Variants in EXOC8 observed in about 807,000 individuals in gnomAD.
The protein encoded by EXOC8 is exocyst complex component 8, also known as exocyst complex 84 kDa subunit.
A neutral mutation model predicts 50.8 loss-of-function variants in EXOC8; 19 were observed. That is an observed-to-expected ratio of 0.37 (90% CI 0.26 to 0.55). The LOEUF (loss-of-function observed/expected upper bound fraction) is 0.55, where lower values mean the gene tolerates loss of function less well. Among genes scored for constraint, EXOC8 ranks in the 20% least tolerant of loss-of-function variants. The probability of loss-of-function intolerance (pLI) is 0.80; values close to 1 mark genes in which losing one functional copy is unlikely to be tolerated. For synonymous variants in EXOC8, 384 were observed against 367.9 expected (o/e 1.04, Z -0.50); for missense variants, 781 against 915.8 (o/e 0.85, Z 1.90).
In EXOC8 at chr1:231,336,859, G is replaced by T; in HGVS notation, c.887C>A (p.Ala296Glu). 2 of 1,614,058 alleles carry T rather than the reference G, an allele frequency of 1.2e-6. No homozygotes were observed. Among genetic ancestry groups the T allele is most frequent in the Non-Finnish European group, 1.7e-6 (2 of 1,180,038 alleles). Residue 296 changes from alanine (A) to glutamate (E), a missense_variant, in exon 1 of 1, where the codon GCG (alanine) becomes GAG (glutamate). Coordinates refer to ENST00000366645, the MANE Select transcript of EXOC8 (RefSeq NM_175876.5). This position sits in a 1 kb window ranked among gnomAD's most constrained non-coding sequence, Gnocchi z 5.4. The part of the protein sequence containing the change: ...EKRRREQEEA[A>E]APRGPPQVTS... ...CACTTGGGGTGGCCCTCGAGGGGCCGCTGCCTCCTCCTGCTCCCTTCGCCT... is the reference window on the plus strand; with the variant it reads ...CACTTGGGGTGGCCCTCGAGGGGCCTCTGCCTCCTCCTGCTCCCTTCGCCT...
In EXOC8 at chr1:231,335,871, C is replaced by G. The variant is rs894640596; in HGVS notation, c.1875G>C (p.Met625Ile). 3.1e-6 allele frequency: 5 copies of G among 1,614,034 alleles called. No individual in the cohort carries two copies. The highest frequency in any genetic ancestry group is 4.2e-6 in the Non-Finnish European group (5 of 1,180,046). ...GCTTCAGGGCCTCTTCCAAGAAGCC[C>G]ATGGTCTGTTTGGTGAAAGCAACCA... is the stretch of plus-strand genomic sequence containing the variant. ...YTVVAFTKQTMGFLEEALKLY... is the reference protein window; with the variant it reads ...YTVVAFTKQTIGFLEEALKLY... Residue 625 changes from methionine (M) to isoleucine (I), a missense_variant, in exon 1 of 1, where the codon ATG becomes ATC. By Grantham distance (10) the Met-to-Ile change is conservative. Coordinates refer to ENST00000366645, the MANE Select transcript of EXOC8 (RefSeq NM_175876.5).
In EXOC8 at chr1:231,334,300, G is replaced by A. The variant is rs1020356412; in HGVS notation, c.*1268C>T. 1.3e-5 allele frequency: 2 copies of A among 152,294 alleles called. No individual in the cohort carries two copies. Among genetic ancestry groups the A allele is most frequent in the South Asian group, 4.1e-4 (2 of 4,820 alleles). 9.4% of individuals were successfully genotyped at this position (152,294 alleles called of 1,614,324 possible). On this transcript the variant is annotated 3_prime_UTR_variant, in exon 1 of 1. Coordinates refer to ENST00000366645, the MANE Select transcript of EXOC8 (RefSeq NM_175876.5). ...CAAAACCAAATCTCTGCTCAGAGTG[G>A]TCATAGTGAGAACACTGAGATTTGC...
In EXOC8 at chr1:231,333,423, C is replaced by T. The variant is rs1446313712; in HGVS notation, c.*2145G>A. The stretch of plus-strand genomic sequence containing the variant: ...TTCCAGTTTTAAAAAGCAGACAATT[C>T]TATGAAGAAGCAACCATTTAAATAT... On this transcript the variant is annotated 3_prime_UTR_variant, in exon 1 of 1. Transcript: ENST00000366645. 3 of 152,496 alleles carry T rather than the reference C, an allele frequency of 2.0e-5. No homozygotes were observed. Among genetic ancestry groups the T allele is most frequent in the Non-Finnish European group, 4.4e-5 (3 of 68,040 alleles). 9.4% of individuals were successfully genotyped at this position (152,496 alleles called of 1,614,324 possible). A position where few individuals can be genotyped will look rare whatever the true frequency, so the allele number is the denominator to read the frequency against.
At position 231,335,893 on chromosome 1, in the gene EXOC8, A is replaced by G. The variant is rs1347945495; in HGVS notation, c.1853T>C (p.Val618Ala). Residue 618 changes from valine to alanine, a missense_variant, in exon 1 of 1, where the codon GTT becomes GCT. By Grantham distance (64) the Val-to-Ala change is moderately conservative. This residue lies in a region of EXOC8 where 700 missense variants were observed against 804.1 expected (regional missense o/e 0.87). Transcript: ENST00000366645. Reference protein sequence around the residue: ...DCWVNLSYTVVAFTKQTMGFL... With the variant: ...DCWVNLSYTVAAFTKQTMGFL... ...GCCCATGGTCTGTTTGGTGAAAGCA[A>G]CCACTGTGTAACTTAGGTTCACCCA... The G allele has an allele frequency of 6.2e-7, 1 of 1,614,178 alleles. No individual in the cohort carries two copies. The highest frequency in any genetic ancestry group is 1.3e-5 in the African/African-American group (1 of 75,044).
In EXOC8 at chr1:231,337,800, C is replaced by A; in HGVS notation, c.-55G>T. 1 of 1,526,874 alleles carries A rather than the reference C, an allele frequency of 6.5e-7. No homozygotes were observed. The highest frequency in any genetic ancestry group is 2.2e-5 in the Admixed American group (1 of 46,042). 94.6% of individuals were successfully genotyped at this position (1,526,874 alleles called of 1,614,324 possible). A position where few individuals can be genotyped will look rare whatever the true frequency, so the allele number is the denominator to read the frequency against. On this transcript the variant is annotated 5_prime_UTR_variant, in exon 1 of 1. Coordinates refer to ENST00000366645, the MANE Select transcript of EXOC8 (RefSeq NM_175876.5). This position sits in a 1 kb window ranked among gnomAD's most constrained non-coding sequence, Gnocchi z 5.9. The stretch of plus-strand genomic sequence containing the variant: ...ACTATCGGCGCCGCAGCCGCCGCGG[C>A]TGTCTAGACCCACCCAAGGCCAACC...
At position 231,334,003 on chromosome 1, in the gene EXOC8, C is replaced by G. The variant is rs528594942; in HGVS notation, c.*1565G>C. The G allele has an allele frequency of 1.3e-5, 2 of 152,294 alleles. No individual in the cohort carries two copies. Among genetic ancestry groups the G allele is most frequent in the Non-Finnish European group, 2.9e-5 (2 of 68,020 alleles). The allele number at this position is 152,294 out of a possible 1,614,324, so 9.4% of individuals were successfully genotyped here. On this transcript the variant is annotated 3_prime_UTR_variant, in exon 1 of 1. Coordinates refer to ENST00000366645, the MANE Select transcript of EXOC8 (RefSeq NM_175876.5). ...AAGCTAGAGACAAAATGGATCACAG[C>G]AAGCACAGTTTCCCTCAAAGAATAA... is the stretch of plus-strand genomic sequence containing the variant.
At position 231,333,743 on chromosome 1, in the gene EXOC8, T is replaced by C. The variant is rs1265312004; in HGVS notation, c.*1825A>G. The stretch of plus-strand genomic sequence containing the variant: ...AAATTAGTCAAAGAAAATCTGTAAA[T>C]CTGATACTTTCCAATATTTTAAATA... On this transcript the variant is annotated 3_prime_UTR_variant, in exon 1 of 1. Transcript: ENST00000366645. The C allele has an allele frequency of 2.0e-5, 3 of 152,600 alleles. No homozygotes were observed. The highest frequency in any genetic ancestry group is 4.4e-5 in the Non-Finnish European group (3 of 68,030). 9.5% of individuals were successfully genotyped at this position (152,600 alleles called of 1,614,324 possible). A position where few individuals can be genotyped will look rare whatever the true frequency, so the allele number is the denominator to read the frequency against.
Position 231,337,473 on chromosome 1 carries a change from C to T in EXOC8, c.273G>A (p.Leu91=). The T allele has an allele frequency of 6.2e-7, 1 of 1,613,244 alleles. No individual in the cohort carries two copies. The highest frequency in any genetic ancestry group is 8.5e-7 in the Non-Finnish European group (1 of 1,179,986). The part of the protein sequence containing the change: ...ESEMYQLSHL[L]TEQKSSLESI... ...TCTCCAGGCTGCTTTTCTGCTCGGT[C>T]AGCAAATGGCTGAGCTGGTACATCT... The change falls in exon 1 of 1, where the codon CTG becomes CTA. Residue 91 remains leucine, a synonymous_variant. Coordinates refer to ENST00000366645, the MANE Select transcript of EXOC8 (RefSeq NM_175876.5). The surrounding 1 kb of genome is among the most constrained non-coding windows in gnomAD (Gnocchi z 5.9).
At position 231,337,649 on chromosome 1, in the gene EXOC8, G is replaced by C; in HGVS notation, c.97C>G (p.Gln33Glu). The change falls in exon 1 of 1, where the codon CAG (glutamine) becomes GAG (glutamate). Residue 33 changes from glutamine to glutamate, a missense_variant. Gln to Glu is a conservative substitution (Grantham distance 29). Transcript: ENST00000366645. The surrounding 1 kb of genome is among the most constrained non-coding windows in gnomAD (Gnocchi z 5.9). ...AGGTCCCGGTCCCCATCCGACTGCT[G>C]CGAGAGCTGCTTCACGTACAGCCGC... ...EARLYVKQLSQQSDGDRDLQE... is the reference protein window; with the variant it reads ...EARLYVKQLSEQSDGDRDLQE... 6.2e-7 allele frequency: 1 copy of C among 1,610,130 alleles called. No individual in the cohort carries two copies. Among genetic ancestry groups the C allele is most frequent in the African/African-American group, 1.3e-5 (1 of 75,026 alleles).
chr1:231,337,060 G>A lies in EXOC8; in HGVS notation c.686C>T (p.Ala229Val). The change falls in exon 1 of 1, where the codon GCT (alanine) becomes GTT (valine). Residue 229 changes from alanine to valine, a missense_variant. Around this residue, in one of 3 missense-constraint regions of EXOC8, gnomAD observed 700 missense variants for 804.1 expected, o/e 0.87. Transcript: ENST00000366645. This position sits in a 1 kb window ranked among gnomAD's most constrained non-coding sequence, Gnocchi z 5.9. ...PQRRGMYRYN[A>V]LYSLDGLAVV... The stretch of plus-strand genomic sequence containing the variant: ...GGCCAAACCATCTAGGGAATAGAGA[G>A]CGTTGTAGCGATACATCCCACGCCG... The A allele has an allele frequency of 6.2e-7, 1 of 1,614,140 alleles. No individual in the cohort carries two copies. Among genetic ancestry groups the A allele is most frequent in the Non-Finnish European group, 8.5e-7 (1 of 1,180,042 alleles).
Position 231,336,960 on chromosome 1 carries a change from G to A in EXOC8, c.786C>T (p.Phe262=), listed in dbSNP as rs749249878. The change falls in exon 1 of 1, where the codon TTC becomes TTT. Residue 262 remains phenylalanine (F), a synonymous_variant. Transcript: ENST00000366645. This position sits in a 1 kb window ranked among gnomAD's most constrained non-coding sequence, Gnocchi z 5.4. The part of the protein sequence containing the change: ...KLLMFPESRI[F]QAENAKIKRE... ...GTTTGATTTTAGCATTTTCGGCCTG[G>A]AAAATACGGCTCTCGGGGAACATAA... 5.6e-6 allele frequency: 9 copies of A among 1,614,156 alleles called. No individual in the cohort carries two copies. In the South Asian group the frequency reaches 9.9e-5, roughly 18 times the overall value.
Position 231,337,543 on chromosome 1 carries a change from C to G in EXOC8, c.203G>C (p.Arg68Pro). 1 of 1,613,246 alleles carries G rather than the reference C, an allele frequency of 6.2e-7. No individual in the cohort carries two copies. Among genetic ancestry groups the G allele is most frequent in the Non-Finnish European group, 8.5e-7 (1 of 1,179,938 alleles). ...CTCGCGGGCCGTCTCTATGAACTGC[C>G]GGTAGTTCTGGTAGACGTTGCGCTT... ...NLKRNVYQNY[R>P]QFIETAREIS... The change falls in exon 1 of 1, where the codon CGG (arginine) becomes CCG (proline). Residue 68 changes from arginine to proline, a missense_variant. By Grantham distance (103) the Arg-to-Pro change is moderately radical. Around this residue, in one of 3 missense-constraint regions of EXOC8, gnomAD observed 700 missense variants for 804.1 expected, o/e 0.87. Transcript: ENST00000366645. The surrounding 1 kb of genome is among the most constrained non-coding windows in gnomAD (Gnocchi z 5.9).
rs1162858307 is a variant in EXOC8, at chr1:231,333,079, T to C, written c.*2489A>G. 1 of 152,178 alleles carries C rather than the reference T, an allele frequency of 6.6e-6. No homozygotes were observed. Among genetic ancestry groups the C allele is most frequent in the Non-Finnish European group, 1.5e-5 (1 of 68,030 alleles). The allele number at this position is 152,178 out of a possible 1,614,324, so 9.4% of individuals were successfully genotyped here. On this transcript the variant is annotated 3_prime_UTR_variant, in exon 1 of 1. Transcript: ENST00000366645. Reference sequence around the variant, plus strand: ...ATGATTCCAAGCTCAAGTAACAAGTTTTATATTCTTGAAGCAAACAAGAAA... The same window carrying C: ...ATGATTCCAAGCTCAAGTAACAAGTCTTATATTCTTGAAGCAAACAAGAAA...
chr1:231,332,766 A>G lies in EXOC8; in HGVS notation c.*2802T>C, dbSNP rs1443219894. ...ATATCACTTTTATCCAGTGTAAGAC[A>G]ATTTTTAAGCTTTATTTTTATGAAA... On this transcript the variant is annotated 3_prime_UTR_variant, in exon 1 of 1. Coordinates refer to ENST00000366645, the MANE Select transcript of EXOC8 (RefSeq NM_175876.5). 5 of 152,190 alleles carry G rather than the reference A, an allele frequency of 3.3e-5. No homozygotes were observed. Among genetic ancestry groups the G allele is most frequent in the Non-Finnish European group, 5.9e-5 (4 of 68,030 alleles). 9.4% of individuals were successfully genotyped at this position (152,190 alleles called of 1,614,324 possible).
rs548739272 is a variant in EXOC8 at position 231,334,049 on chromosome 1, A to C, written c.*1519T>G. On this transcript the variant is annotated 3_prime_UTR_variant, in exon 1 of 1. Coordinates refer to ENST00000366645, the MANE Select transcript of EXOC8 (RefSeq NM_175876.5). ...AATAAGGAACGCTATAGAATATACA[A>C]CAGCGATAGTTTAGAAACCTTGGGA... 3 of 152,348 alleles carry C rather than the reference A, an allele frequency of 2.0e-5. No homozygotes were observed. The highest frequency in any genetic ancestry group is 7.2e-5 in the African/African-American group (3 of 41,582). The allele number at this position is 152,348 out of a possible 1,614,324, so 9.4% of individuals were successfully genotyped here.
In EXOC8 at chr1:231,337,808, A is replaced by T; in HGVS notation, c.-63T>A. ...CGCCGCAGCCGCCGCGGCTGTCTAG[A>T]CCCACCCAAGGCCAACCGAGCTCCT... is the stretch of plus-strand genomic sequence containing the variant. On this transcript the variant is annotated 5_prime_UTR_variant, in exon 1 of 1. Coordinates refer to ENST00000366645, the MANE Select transcript of EXOC8 (RefSeq NM_175876.5). The surrounding 1 kb of genome is among the most constrained non-coding windows in gnomAD (Gnocchi z 5.9). 1.3e-6 allele frequency: 2 copies of T among 1,525,856 alleles called. No homozygotes were observed. Among genetic ancestry groups the T allele is most frequent in the Non-Finnish European group, 8.8e-7 (1 of 1,139,042 alleles). 94.5% of individuals were successfully genotyped at this position (1,525,856 alleles called of 1,614,324 possible).
Position 231,337,617 on chromosome 1 carries a change from C to T in EXOC8, c.129G>A (p.Glu43=), listed in dbSNP as rs1240604185. 5.0e-6 allele frequency: 8 copies of T among 1,611,838 alleles called. No homozygotes were observed. Among genetic ancestry groups the T allele is most frequent in the African/African-American group, 2.7e-5 (2 of 74,908 alleles). ...CCAGCGCCTGGATGCGCTGCCGGTGCTCCTGGAGGTCCCGGTCCCCATCCG... is the reference window on the plus strand; with the variant it reads ...CCAGCGCCTGGATGCGCTGCCGGTGTTCCTGGAGGTCCCGGTCCCCATCCG... ...QQSDGDRDLQ[E]HRQRIQALAE... The change falls in exon 1 of 1, where the codon GAG becomes GAA. Residue 43 remains glutamate (E), a synonymous_variant. Coordinates refer to ENST00000366645, the MANE Select transcript of EXOC8 (RefSeq NM_175876.5). The surrounding 1 kb of genome is among the most constrained non-coding windows in gnomAD (Gnocchi z 5.9).
Position 231,336,028 on chromosome 1 carries a change from T to G in EXOC8, c.1718A>C (p.Glu573Ala), listed in dbSNP as rs1178439182. The G allele has an allele frequency of 6.2e-7, 1 of 1,614,180 alleles. No individual in the cohort carries two copies. Residue 573 changes from glutamate (E) to alanine (A), a missense_variant, in exon 1 of 1, where the codon GAG becomes GCG. By Grantham distance (107) the Glu-to-Ala change is moderately radical. Coordinates refer to ENST00000366645, the MANE Select transcript of EXOC8 (RefSeq NM_175876.5). This position sits in a 1 kb window ranked among gnomAD's most constrained non-coding sequence, Gnocchi z 5.4. ...IEATKHRNSE[E>A]MWRRMNLMTP... The stretch of plus-strand genomic sequence containing the variant: ...CATCAAGTTCATCCTCCTCCACATC[T>G]CTTCAGAGTTGCGATGTTTAGTGGC...
At position 231,335,510 on chromosome 1, in the gene EXOC8, TATAA is replaced by T. The variant is rs1273223341; in HGVS notation, c.*54_*57del. 4 of 1,342,740 alleles carry T rather than the reference TATAA, an allele frequency of 3.0e-6. No homozygotes were observed. In the African/African-American group the frequency reaches 4.8e-5, roughly 16 times the overall value. 83.2% of individuals were successfully genotyped at this position (1,342,740 alleles called of 1,614,324 possible). The stretch of plus-strand genomic sequence containing the variant: ...GTATGCTAATACAACTTAATATAAA[TATAA>T]ATAATATATAAGCTCTCTCTCTGCA... On this transcript the variant is annotated 3_prime_UTR_variant, in exon 1 of 1. Coordinates refer to ENST00000366645, the MANE Select transcript of EXOC8 (RefSeq NM_175876.5).
Sources: allele counts gnomAD v4.1 joint callset, GRCh38; gene constraint gnomAD v4.1.1; regional missense constraint gnomAD v4.1.1; non-coding constraint Gnocchi (gnomAD v3.1); transcripts MANE v1.5; gene names NCBI Gene and HGNC (gene_info 2026-07-23, HGNC 2026-07-21).